Variants in FOXA1 observed in about 807,000 individuals in gnomAD.
The protein encoded by FOXA1 is forkhead box A1.
Under a neutral mutation model 29.2 loss-of-function variants are expected in FOXA1, and 9 were observed. That is an observed-to-expected ratio of 0.31 (90% CI 0.19 to 0.54). FOXA1 has a LOEUF of 0.54. Ranked by LOEUF, FOXA1 falls within the 20% of genes least tolerant of loss-of-function variation. The pLI is 0.95. For synonymous variants in FOXA1, 340 were observed against 300.9 expected (o/e 1.13, Z -1.34); for missense variants, 644 against 681.2 (o/e 0.95, Z 0.61).
rs2095596177 is a variant in FOXA1, at chr14:37,591,946, T to TCCCGCC, written c.832_837dup (p.Gly278_Gly279dup). ...TTGGCGCCGCTGCCCCCGCTTCCGCTCCCGCCCCCGCCGCCGGCCCCCGGC... is the reference window on the plus strand; with the variant it reads ...TTGGCGCCGCTGCCCCCGCTTCCGCTCCCGCCCCCGCCCCCGCCGCCGGCCCCCGGC... On this transcript the variant is annotated inframe_insertion, in exon 2 of 2. Coordinates refer to ENST00000250448, the MANE Select transcript of FOXA1 (RefSeq NM_004496.5). The TCCCGCC allele has an allele frequency of 6.6e-7, 1 of 1,514,840 alleles. No homozygotes were observed. Among genetic ancestry groups the TCCCGCC allele is most frequent in the Non-Finnish European group, 8.8e-7 (1 of 1,134,416 alleles). The allele number at this position is 1,514,840 out of a possible 1,614,324, so 93.8% of individuals were successfully genotyped here.
At position 37,592,304 on chromosome 14, in the gene FOXA1, C is replaced by T. The variant is rs1230613844; in HGVS notation, c.480G>A (p.Lys160=). 1 of 1,604,232 alleles carries T rather than the reference C, an allele frequency of 6.2e-7. No individual in the cohort carries two copies. Among genetic ancestry groups the T allele is most frequent in the Non-Finnish European group, 8.5e-7 (1 of 1,175,982 alleles). ...CGTGCGGGTAGCTGCGCTTGAACGTCTTGGCGTCGCCGCCGCCGCCCGCGC... is the reference window on the plus strand; with the variant it reads ...CGTGCGGGTAGCTGCGCTTGAACGTTTTGGCGTCGCCGCCGCCGCCCGCGC... ...RSRAGGGGDA[K]TFKRSYPHAK... is the part of the protein sequence containing the mutation. The change falls in exon 2 of 2, where the codon AAG becomes AAA. Residue 160 remains lysine (K), a synonymous_variant. Coordinates refer to ENST00000250448, the MANE Select transcript of FOXA1 (RefSeq NM_004496.5).
In FOXA1 at chr14:37,595,083, C is replaced by G; in HGVS notation, c.-111G>C. ...GAGCAGCTGCAGTCACCCGAGCGCC[C>G]GCGCGGGCCCAACGCCACCCGGGCG... On this transcript the variant is annotated 5_prime_UTR_variant, in exon 1 of 2. Coordinates refer to ENST00000250448, the MANE Select transcript of FOXA1 (RefSeq NM_004496.5). The G allele has an allele frequency of 5.7e-6, 5 of 875,298 alleles. No individual in the cohort carries two copies. The highest frequency in any genetic ancestry group is 1.8e-5 in the African/African-American group (1 of 56,012). 54.2% of individuals were successfully genotyped at this position (875,298 alleles called of 1,614,324 possible).
intron 1 of FOXA1, chr14:37,594,131 C>T (rs1411771766): frequency 7.8e-7 from 1 of 1,288,008 alleles, no homozygotes; most frequent in Admixed American, 2.3e-5. Context: ...AGTTCCAATA[C>T]GCGTTTTCAA....
chr14:37,591,852 C>A lies in FOXA1; in HGVS notation c.932G>T (p.Arg311Leu). 4 of 1,452,192 alleles carry A rather than the reference C, an allele frequency of 2.8e-6. No individual in the cohort carries two copies. The highest frequency in any genetic ancestry group is 3.6e-6 in the Non-Finnish European group (4 of 1,107,970). 90.0% of individuals were successfully genotyped at this position (1,452,192 alleles called of 1,614,324 possible). The stretch of plus-strand genomic sequence containing the variant: ...CTGGCCGGTCTTCCCGTGCACACCC[C>A]GATGGAGGGGCGAGTCGGCGCTGGG... ...SNPSADSPLH[R>L]GVHGKTGQLE... Residue 311 changes from arginine to leucine, a missense_variant, in exon 2 of 2, where the codon CGG becomes CTG. Arg to Leu is a moderately radical substitution (Grantham distance 102, BLOSUM62 -2). Coordinates refer to ENST00000250448, the MANE Select transcript of FOXA1 (RefSeq NM_004496.5).
rs2139181282 is a variant in FOXA1, at chr14:37,591,914, G to C, written c.870C>G (p.Gly290=). Residue 290 remains glycine (G), a synonymous_variant, in exon 2 of 2, where the codon GGC becomes GGG. Transcript: ENST00000250448. ...SGSGGSGAKG[G]PESRKDPSGA... Reference sequence around the variant, plus strand: ...CAGAGGGGTCCTTGCGGCTCTCAGGGCCGCCCTTGGCGCCGCTGCCCCCGC... The same window carrying C: ...CAGAGGGGTCCTTGCGGCTCTCAGGCCCGCCCTTGGCGCCGCTGCCCCCGC... The C allele has an allele frequency of 6.8e-7, 1 of 1,478,698 alleles. No individual in the cohort carries two copies. The allele number at this position is 1,478,698 out of a possible 1,614,324, so 91.6% of individuals were successfully genotyped here.
Position 37,592,049 on chromosome 14 carries a change from C to A in FOXA1, c.735G>T (p.Thr245=), listed in dbSNP as rs1363818569. The change falls in exon 2 of 2, where the codon ACG becomes ACT. Residue 245 remains threonine, a synonymous_variant. Coordinates refer to ENST00000250448, the MANE Select transcript of FOXA1 (RefSeq NM_004496.5). ...PDKPGKGSYW[T]LHPDSGNMFE... The stretch of plus-strand genomic sequence containing the variant: ...ACATGTTGCCGGAGTCCGGGTGCAG[C>A]GTCCAGTAGGAGCCCTTGCCCGGCT... 9 of 1,607,072 alleles carry A rather than the reference C, an allele frequency of 5.6e-6. No homozygotes were observed. The highest frequency in any genetic ancestry group is 6.8e-6 in the Non-Finnish European group (8 of 1,176,712).
intron 1 of FOXA1, chr14:37,593,947 C>T (rs998241053): frequency 2.6e-5 from 14 of 543,660 alleles, no homozygotes; most frequent in Non-Finnish European, 3.6e-5. Flanking sequence ...TAGGAACACC[C>T]AGTAAACTAT....
In FOXA1 at chr14:37,595,058, G is replaced by C; in HGVS notation, c.-86C>G. ...CGGCGCGGGGCGGGGGAGGGGAGCTGAGCAGCTGCAGTCACCCGAGCGCCC... is the reference window on the plus strand; with the variant it reads ...CGGCGCGGGGCGGGGGAGGGGAGCTCAGCAGCTGCAGTCACCCGAGCGCCC... On this transcript the variant is annotated 5_prime_UTR_variant, in exon 1 of 2. Coordinates refer to ENST00000250448, the MANE Select transcript of FOXA1 (RefSeq NM_004496.5). The C allele has an allele frequency of 1.2e-5, 16 of 1,285,178 alleles. No individual in the cohort carries two copies. Among genetic ancestry groups the C allele is most frequent in the Non-Finnish European group, 1.6e-5 (15 of 938,950 alleles). 79.6% of individuals were successfully genotyped at this position (1,285,178 alleles called of 1,614,324 possible). A position where few individuals can be genotyped will look rare whatever the true frequency, so the allele number is the denominator to read the frequency against.
In FOXA1 at chr14:37,591,219, G is replaced by A. The variant is rs1047525590; in HGVS notation, c.*146C>T. On this transcript the variant is annotated 3_prime_UTR_variant, in exon 2 of 2. Coordinates refer to ENST00000250448, the MANE Select transcript of FOXA1 (RefSeq NM_004496.5). ...TAACAGTCTTTTGCACTGGGGGAAA[G>A]GTTGTGCATGAAAAATGAAATAAAA... The A allele has an allele frequency of 1.2e-5, 12 of 970,110 alleles. No homozygotes were observed. In the African/African-American group the frequency reaches 1.6e-4, roughly 13 times the overall value. The allele number at this position is 970,110 out of a possible 1,614,324, so 60.1% of individuals were successfully genotyped here.
Position 37,592,207 on chromosome 14 carries a change from G to C in FOXA1, c.577C>G (p.Leu193Val), listed in dbSNP as rs1310740071. ...ATGATCCACTGGTAGATCTCGCTCA[G>C]CGTGAGCATCTTGCTGGGCGCCTGC... Reference protein sequence around the residue: ...IQQAPSKMLTLSEIYQWIMDL... With the variant: ...IQQAPSKMLTVSEIYQWIMDL... The change falls in exon 2 of 2, where the codon CTG (leucine) becomes GTG (valine). Residue 193 changes from leucine to valine, a missense_variant. Transcript: ENST00000250448. The C allele has an allele frequency of 6.2e-7, 1 of 1,611,692 alleles. No homozygotes were observed. The highest frequency in any genetic ancestry group is 1.7e-5 in the Admixed American group (1 of 59,882).
intron 1 of FOXA1, chr14:37,594,184 C>G: frequency 7.8e-7 from 1 of 1,288,008 alleles, no homozygotes; most frequent in South Asian, 1.2e-5. Context: ...CAGCTGTTTC[C>G]AGAAAAATAC....
At position 37,591,102 on chromosome 14, in the gene FOXA1, A is replaced by G. The variant is rs2095594969; in HGVS notation, c.*263T>C. On this transcript the variant is annotated 3_prime_UTR_variant, in exon 2 of 2. Transcript: ENST00000250448. ...GGAAGGAGGAGAATTTCATATATAC[A>G]CTTGTGGATCATTAAACTTCGCAGG... 1 of 539,788 alleles carries G rather than the reference A, an allele frequency of 1.9e-6. No homozygotes were observed. Among genetic ancestry groups the G allele is most frequent in the South Asian group, 2.1e-5 (1 of 48,324 alleles). 33.4% of individuals were successfully genotyped at this position (539,788 alleles called of 1,614,324 possible). A position where few individuals can be genotyped will look rare whatever the true frequency, so the allele number is the denominator to read the frequency against.
rs2095594313 is a variant in FOXA1, at chr14:37,590,141, C to T, written c.*1224G>A. 3 of 231,490 alleles carry T rather than the reference C, an allele frequency of 1.3e-5. No homozygotes were observed. The highest frequency in any genetic ancestry group is 2.6e-5 in the Non-Finnish European group (3 of 117,022). 14.3% of individuals were successfully genotyped at this position (231,490 alleles called of 1,614,324 possible). A position where few individuals can be genotyped will look rare whatever the true frequency, so the allele number is the denominator to read the frequency against. On this transcript the variant is annotated 3_prime_UTR_variant, in exon 2 of 2. Transcript: ENST00000250448. ...TAACAATTTAATTTGTAATTTTAAC[C>T]ATCATTTAAAGCAATTTCAGCTGTA...
chr14:37,595,038 C>T lies in FOXA1; in HGVS notation c.-66G>A. The T allele has an allele frequency of 2.1e-6, 3 of 1,461,812 alleles. No individual in the cohort carries two copies. The highest frequency in any genetic ancestry group is 2.4e-5 in the South Asian group (2 of 82,224). The allele number at this position is 1,461,812 out of a possible 1,614,324, so 90.6% of individuals were successfully genotyped here. A position where few individuals can be genotyped will look rare whatever the true frequency, so the allele number is the denominator to read the frequency against. ...CGAAGCGACGGGCGGCCGCGCGGCG[C>T]GGGGCGGGGGAGGGGAGCTGAGCAG... On this transcript the variant is annotated 5_prime_UTR_variant, in exon 1 of 2. Coordinates refer to ENST00000250448, the MANE Select transcript of FOXA1 (RefSeq NM_004496.5).
In FOXA1 at chr14:37,592,405, G is replaced by C; in HGVS notation, c.379C>G (p.Leu127Val). Reference protein sequence around the residue: ...GAQQAASMNGLGPYAAAMNPC... With the variant: ...GAQQAASMNGVGPYAAAMNPC... ...TTCATGGCGGCCGCGTAGGGGCCCA[G>C]GCCATTCATGGAGGCCGCCTGCTGC... Residue 127 changes from leucine (L) to valine (V), a missense_variant, in exon 2 of 2, where the codon CTG becomes GTG. By Grantham distance (32) the Leu-to-Val change is conservative. Coordinates refer to ENST00000250448, the MANE Select transcript of FOXA1 (RefSeq NM_004496.5). The C allele has an allele frequency of 6.2e-7, 1 of 1,600,712 alleles. No homozygotes were observed. The highest frequency in any genetic ancestry group is 1.7e-5 in the Admixed American group (1 of 59,136).
chr14:37,590,970 A>C lies in FOXA1; in HGVS notation c.*395T>G, dbSNP rs2095594869. ...CAGGTAAGGAGGGGGAAAAAGCACA[A>C]ACAAATATTTTACAAACTTGACCAT... On this transcript the variant is annotated 3_prime_UTR_variant, in exon 2 of 2. Coordinates refer to ENST00000250448, the MANE Select transcript of FOXA1 (RefSeq NM_004496.5). The C allele has an allele frequency of 2.5e-6, 1 of 401,694 alleles. No individual in the cohort carries two copies. The highest frequency in any genetic ancestry group is 4.6e-6 in the Non-Finnish European group (1 of 216,850). 24.9% of individuals were successfully genotyped at this position (401,694 alleles called of 1,614,324 possible).
rs575217894 is a variant in FOXA1 at position 37,590,303 on chromosome 14, C to T, written c.*1062G>A. The T allele has an allele frequency of 6.9e-5, 16 of 232,240 alleles. No homozygotes were observed. The South Asian group carries it at 2.9e-3, about 42-fold the overall frequency. 14.4% of individuals were successfully genotyped at this position (232,240 alleles called of 1,614,324 possible). A position where few individuals can be genotyped will look rare whatever the true frequency, so the allele number is the denominator to read the frequency against. On this transcript the variant is annotated 3_prime_UTR_variant, in exon 2 of 2. Transcript: ENST00000250448. The stretch of plus-strand genomic sequence containing the variant: ...ACTGGATGAAACAAGCACACGATGG[C>T]AATGATTAAAATGGCCACTATCAAT...
chr14:37,592,029 T>A lies in FOXA1; in HGVS notation c.755A>T (p.Asn252Ile), dbSNP rs1211074229. 1 of 1,606,954 alleles carries A rather than the reference T, an allele frequency of 6.2e-7. No homozygotes were observed. Among genetic ancestry groups the A allele is most frequent in the South Asian group, 1.1e-5 (1 of 90,212 alleles). Residue 252 changes from asparagine (N) to isoleucine (I), a missense_variant, in exon 2 of 2, where the codon AAC (asparagine) becomes ATC (isoleucine). Coordinates refer to ENST00000250448, the MANE Select transcript of FOXA1 (RefSeq NM_004496.5). ...SYWTLHPDSG[N>I]MFENGCYLRR... ...CAAGTAGCAGCCGTTCTCGAACATG[T>A]TGCCGGAGTCCGGGTGCAGCGTCCA... is the stretch of plus-strand genomic sequence containing the variant.
At position 37,592,339 on chromosome 14, in the gene FOXA1, C is replaced by G. The variant is rs778150936; in HGVS notation, c.445G>C (p.Gly149Arg). 4 of 1,598,648 alleles carry G rather than the reference C, an allele frequency of 2.5e-6. No homozygotes were observed. In the Admixed American group the frequency reaches 5.2e-5, roughly 21 times the overall value. Reference sequence around the variant, plus strand: ...CCGCCGCCGCCCGCGCGGCTGCGGCCCAGGTTGGACGGCGCGTACGCCATG... The same window carrying G: ...CCGCCGCCGCCCGCGCGGCTGCGGCGCAGGTTGGACGGCGCGTACGCCATG... ...SPMAYAPSNL[G>R]RSRAGGGGDA... The change falls in exon 2 of 2, where the codon GGC (glycine) becomes CGC (arginine). Residue 149 changes from glycine to arginine, a missense_variant. Gly to Arg is a moderately radical substitution (Grantham distance 125). Transcript: ENST00000250448.
Sources: gnomAD v4.1 joint callset for allele counts on GRCh38, gnomAD v4.1.1 for gene constraint, MANE v1.5 for transcripts, NCBI Gene and HGNC (gene_info 2026-07-23, HGNC 2026-07-21) for gene names.